MAPRE1: variants seen among roughly 807,000 people sequenced by gnomAD.
The protein encoded by MAPRE1 is microtubule associated protein RP/EB family member 1.
Under a neutral mutation model 32.1 loss-of-function variants are expected in MAPRE1, and 5 were observed. That is an observed-to-expected ratio of 0.16 (90% CI 0.08 to 0.33). The LOEUF (loss-of-function observed/expected upper bound fraction) is 0.33, where lower values mean the gene tolerates loss of function less well. MAPRE1 is among the 10% of genes least tolerant of loss of function. The pLI, the probability that MAPRE1 is intolerant of heterozygous loss-of-function variation, is 1.00. For missense variants in MAPRE1, 209 were observed against 327.2 expected (o/e 0.64, Z 2.79); for synonymous variants, 122 against 118.9 (o/e 1.03, Z -0.17).
rs781270109 is a variant in MAPRE1, at chr20:32,836,849, A to G, written c.475+8A>G. On this transcript the variant is annotated splice_region_variant and intron_variant, in intron 4 of 6. Transcript: ENST00000375571. ...TCACTTCTAGCAGTGCAGGTAAAAAAACAACCCCAAAACGTTTCCAAAAAA... is the reference window on the plus strand; with the variant it reads ...TCACTTCTAGCAGTGCAGGTAAAAAGACAACCCCAAAACGTTTCCAAAAAA... The G allele has an allele frequency of 6.3e-7, 1 of 1,585,678 alleles. No homozygotes were observed. The highest frequency in any genetic ancestry group is 8.5e-7 in the Non-Finnish European group (1 of 1,171,978).
intron 3 of MAPRE1, among the ~76,000 whole-genome samples, chr20:32,835,092 G>T (rs1387136575): frequency 6.6e-6 from 1 of 152,154 alleles, no homozygotes; most frequent in East Asian, 1.9e-4. Context: ...AGGCATGGTG[G>T]CTCATGCCTG....
rs570515135 is a variant in MAPRE1 at position 32,839,951 on chromosome 20, G to C, written c.597+95G>C. ...TATCCGTGTTCTTAAATGAACACCT[G>C]CCTTGTTTGCTTGCCAGAGCATGTG... is the stretch of plus-strand genomic sequence containing the variant. On this transcript the variant is annotated intron_variant, in intron 5 of 6. Coordinates refer to ENST00000375571, the MANE Select transcript of MAPRE1 (RefSeq NM_012325.3). 35 of 1,530,024 alleles carry C rather than the reference G, an allele frequency of 2.3e-5. No individual in the cohort carries two copies. In the South Asian group the frequency reaches 4.1e-4, roughly 18 times the overall value. 94.8% of individuals were successfully genotyped at this position (1,530,024 alleles called of 1,614,324 possible). A position where few individuals can be genotyped will look rare whatever the true frequency, so the allele number is the denominator to read the frequency against.
At chr20:32,819,825 G>A (rs559671751), upstream of MAPRE1, 3 of 152,248 alleles carry the variant, frequency 2.0e-5, no homozygotes, top group Admixed American at 1.3e-4. Context: ...TGGATCAGGG[G>A]CCGAGCTCCG....
chr20:32,834,065 G>A (rs1006962240), intron 3 of MAPRE1, among the ~76,000 whole-genome samples: 21 of 152,000 alleles, frequency 1.4e-4, no homozygotes, highest in African/African-American at 3.6e-4. Flanking sequence ...TTTCTTCATC[G>A]TCTGTGAAGT....
In MAPRE1 at chr20:32,849,331, A is replaced by T. The variant is rs896590794; in HGVS notation, c.*603A>T. 2 of 152,208 alleles carry T rather than the reference A, an allele frequency of 1.3e-5. No homozygotes were observed. The highest frequency in any genetic ancestry group is 4.8e-5 in the African/African-American group (2 of 41,442). 9.4% of individuals were successfully genotyped at this position (152,208 alleles called of 1,614,324 possible). On this transcript the variant is annotated 3_prime_UTR_variant, in exon 7 of 7. Coordinates refer to ENST00000375571, the MANE Select transcript of MAPRE1 (RefSeq NM_012325.3). ...GGAACATTTAAAAAGTTGCCCTGTAAAGTTATTTGGTGTCATTGACCAATT... is the reference window on the plus strand; with the variant it reads ...GGAACATTTAAAAAGTTGCCCTGTATAGTTATTTGGTGTCATTGACCAATT...
In MAPRE1 at chr20:32,849,695, G is replaced by A. The variant is rs35117715; in HGVS notation, c.*967G>A. The A allele has an allele frequency of 6.6e-6, 1 of 152,656 alleles. No individual in the cohort carries two copies. The highest frequency in any genetic ancestry group is 2.4e-5 in the African/African-American group (1 of 41,434). The allele number at this position is 152,656 out of a possible 1,614,324, so 9.5% of individuals were successfully genotyped here. The stretch of plus-strand genomic sequence containing the variant: ...TTGGCTCCTTGAAGTTTGCTGCTTA[G>A]AGTTGGAAGTGCAGCAGGCAGGTGA... On this transcript the variant is annotated 3_prime_UTR_variant, in exon 7 of 7. Transcript: ENST00000375571.
In MAPRE1 at chr20:32,826,015, T is replaced by A; in HGVS notation, c.88T>A (p.Leu30Met). 1 of 1,608,634 alleles carries A rather than the reference T, an allele frequency of 6.2e-7. No homozygotes were observed. Among genetic ancestry groups the A allele is most frequent in the South Asian group, 1.1e-5 (1 of 90,716 alleles). ...MLAWINESLQ[L>M]NLTKIEQLCS... The stretch of plus-strand genomic sequence containing the variant: ...GGCCTGGATCAATGAGTCTCTGCAG[T>A]TGAATCTGACAAAGATCGAACAGTT... The change falls in exon 2 of 7, where the codon TTG (leucine) becomes ATG (methionine). Residue 30 changes from leucine (L) to methionine (M), a missense_variant. Coordinates refer to ENST00000375571, the MANE Select transcript of MAPRE1 (RefSeq NM_012325.3).
intron 2 of MAPRE1, among the ~76,000 whole-genome samples, chr20:32,833,263 A>C (rs73114109): frequency 0.026 from 3,960 of 152,322 alleles, 71 homozygotes; most frequent in Non-Finnish European, 0.04. Context: ...CCAGGGAGAC[A>C]GACGTCTTAG....
At chr20:32,839,899 A>G in intron 5 of MAPRE1, 43 bp downstream of exon 5, 2 of 1,610,688 alleles carry the variant, frequency 1.2e-6, no homozygotes, top group Non-Finnish European at 1.7e-6. Context: ...CTCGGGGGAT[A>G]GGATCCTTGC....
intron 3 of MAPRE1, among the ~76,000 whole-genome samples, chr20:32,836,172 G>A (rs1983195796): frequency 6.6e-6 from 1 of 152,094 alleles, no homozygotes; most frequent in Non-Finnish European, 1.5e-5. Flanking sequence ...TGTTGCCCAG[G>A]CTGGTCTCAA....
At chr20:32,825,386 C>G (rs948137069) in intron 1 of MAPRE1, among the ~76,000 whole-genome samples, 3 of 152,076 alleles carry the variant, frequency 2.0e-5, no homozygotes, top group African/African-American at 7.2e-5. Context: ...TTTAGTCTGG[C>G]TGGTGTTGGG....
At position 32,836,687 on chromosome 20, in the gene MAPRE1, C is replaced by T. The variant is rs754319096; in HGVS notation, c.321C>T (p.Phe107=). 9.9e-6 allele frequency: 16 copies of T among 1,612,882 alleles called. No homozygotes were observed. In the Admixed American group the frequency reaches 1.3e-4, roughly 13 times the overall value. Residue 107 remains phenylalanine, a synonymous_variant, in exon 4 of 7, where the codon TTC becomes TTT. Transcript: ENST00000375571. ...VKGKFQDNFE[F]VQWFKKFFDA... ...GAAAGTTTCAGGACAATTTTGAATT[C>T]GTTCAGTGGTTCAAGAAGTTTTTCG...
At chr20:32,825,707 A>C (rs1427091634) in intron 1 of MAPRE1, among the ~76,000 whole-genome samples, 1 of 152,120 alleles carries the variant, frequency 6.6e-6, no homozygotes, top group African/African-American at 2.4e-5. Flanking sequence ...AGGCAGGAGA[A>C]TTACTTGAAC....
intron 5 of MAPRE1, among the ~76,000 whole-genome samples, chr20:32,844,642 G>C (rs1194681171): frequency 6.6e-6 from 1 of 151,602 alleles, no homozygotes; most frequent in Non-Finnish European, 1.5e-5. Context: ...TTGATCTCTT[G>C]ACCTCGTGAT....
At position 32,833,878 on chromosome 20, in the gene MAPRE1, C is replaced by A. The variant is rs530772987; in HGVS notation, c.267+16C>A. The A allele has an allele frequency of 6.2e-7, 1 of 1,606,740 alleles. No individual in the cohort carries two copies. Among genetic ancestry groups the A allele is most frequent in the Non-Finnish European group, 8.5e-7 (1 of 1,174,894 alleles). ...TGTTGACAAAGTAAGTAAACGTTAT[C>A]TTTTATTGTGGTTAATGTTCCTTAA... is the stretch of plus-strand genomic sequence containing the variant. On this transcript the variant is annotated intron_variant, in intron 3 of 6. Coordinates refer to ENST00000375571, the MANE Select transcript of MAPRE1 (RefSeq NM_012325.3).
At chr20:32,845,114 T>C (rs769010770) in intron 5 of MAPRE1, among the ~76,000 whole-genome samples, 40 of 152,284 alleles carry the variant, frequency 2.6e-4, no homozygotes, top group Non-Finnish European at 5.4e-4. Context: ...ATTGATAGCT[T>C]ACTGCAGCCT....
chr20:32,837,868 G>A (rs1601167979), intron 4 of MAPRE1, among the ~76,000 whole-genome samples: 2 of 152,192 alleles, frequency 1.3e-5, no homozygotes, highest in African/African-American at 2.4e-5. Flanking sequence ...CAGATCACTT[G>A]AGGTCAGGAG....
At chr20:32,847,785 C>G (rs969059736) in intron 6 of MAPRE1, among the ~76,000 whole-genome samples, 1 of 152,236 alleles carries the variant, frequency 6.6e-6, no homozygotes, top group South Asian at 2.1e-4. Context: ...TAGTAATTTC[C>G]TGCTCTGAGT....
At chr20:32,821,739 G>A (rs1011629396) in intron 1 of MAPRE1, among the ~76,000 whole-genome samples, 2 of 152,290 alleles carry the variant, frequency 1.3e-5, no homozygotes, top group African/African-American at 2.4e-5. Context: ...AGGGCTTATT[G>A]TGGTGCCTTG....
Sources: allele counts gnomAD v4.1 joint callset (sites outside exome capture counted in the v4.1 genomes callset), GRCh38; gene constraint gnomAD v4.1.1; transcripts MANE v1.5; gene names NCBI Gene and HGNC (gene_info 2026-07-23, HGNC 2026-07-21).